The following CASTOR1 variants were observed in gnomAD, a reference collection of about 807,000 sequenced individuals.
CASTOR1 encodes the protein cytosolic arginine sensor for mTORC1 subunit 1.
CASTOR1 carries 18 observed loss-of-function variants against 33.7 expected under a neutral mutation model. The observed-to-expected ratio is 0.53, with a 90% CI of 0.37 to 0.79. CASTOR1 has a LOEUF of 0.79. CASTOR1 is among the 30% of genes least tolerant of loss of function. The probability of loss-of-function intolerance (pLI) is 0.00; values close to 1 mark genes in which losing one functional copy is unlikely to be tolerated. For synonymous variants in CASTOR1, 175 were observed against 190.6 expected (o/e 0.92, Z 0.67); for missense variants, 362 against 446.3 (o/e 0.81, Z 1.70).
chr22:30,286,086 G>T lies in CASTOR1; in HGVS notation c.756C>A (p.Asp252Glu), dbSNP rs1473131737. 1 of 1,575,896 alleles carries T rather than the reference G, an allele frequency of 6.3e-7. No homozygotes were observed. The highest frequency in any genetic ancestry group is 1.8e-5 in the Admixed American group (1 of 57,092). ...CCCCCGAGGAGCTGGTCAGCAGGAG[G>T]TCACTGGGGAACCTGGGGAGGGAGA... ...DAETQKKFPS[D>E]LLLTSSSGEL... The change falls in exon 7 of 9, where the codon GAC becomes GAA. Residue 252 changes from aspartate to glutamate, a missense_variant. Asp to Glu is a conservative substitution (Grantham distance 45, BLOSUM62 2). Coordinates refer to ENST00000407689, the MANE Select transcript of CASTOR1 (RefSeq NM_001037666.3).
intron 7 of CASTOR1, 39 bp downstream of exon 7, chr22:30,285,977 G>A (rs772758847): frequency 1.3e-6 from 2 of 1,581,080 alleles, no homozygotes; most frequent in Non-Finnish European, 1.7e-6. Context: ...TTGCTCCCCA[G>A]ACACTCCCCA....
At chr22:30,286,627 G>T in intron 5 of CASTOR1, 198 bp downstream of exon 5, 1 of 743,256 alleles carries the variant, frequency 1.3e-6, no homozygotes, top group Non-Finnish European at 2.3e-6. Context: ...TGGCTCAGAC[G>T]ACCCCACTGG....
At chr22:30,286,636 G>T (rs1297008844) in intron 5 of CASTOR1, 189 bp downstream of exon 5, 77 of 785,418 alleles carry the variant, frequency 9.8e-5, no homozygotes, top group Non-Finnish European at 6.9e-5. Context: ...CGACCCCACT[G>T]GAAAGGGATC....
At position 30,285,670 on chromosome 22, in the gene CASTOR1, C is replaced by G; in HGVS notation, c.940G>C (p.Gly314Arg). 6.4e-7 allele frequency: 1 copy of G among 1,570,442 alleles called. No individual in the cohort carries two copies. Among genetic ancestry groups the G allele is most frequent in the Non-Finnish European group, 8.6e-7 (1 of 1,158,340 alleles). ...CGCTGGAGGACCTCGATGACGCTGC[C>G]GATACCGTCCTCGGGCACCTGAGGG... ...DHALVPEDGI[G>R]SVIEVLQRRQ... is the part of the protein sequence containing the mutation. Residue 314 changes from glycine (G) to arginine (R), a missense_variant, in exon 9 of 9, where the codon GGC (glycine) becomes CGC (arginine). Physicochemically the swap from Gly to Arg is moderately radical, Grantham distance 125 (BLOSUM62 -2). Transcript: ENST00000407689.
intron 1 of CASTOR1, chr22:30,289,124 T>C: frequency 5.3e-6 from 3 of 567,104 alleles, no homozygotes; most frequent in Non-Finnish European, 9.4e-6. Context: ...AGTGACCAGG[T>C]AGGAATGCCC....
chr22:30,286,282 C>T lies in CASTOR1; in HGVS notation c.724G>A (p.Asp242Asn). The T allele has an allele frequency of 6.2e-7, 1 of 1,613,570 alleles. No individual in the cohort carries two copies. Among genetic ancestry groups the T allele is most frequent in the Non-Finnish European group, 8.5e-7 (1 of 1,179,526 alleles). ...ACCTACTTTTTCTGTGTTTCAGCAT[C>T]CATGACAATGGAGATATAACCCTCG... ...LIEGYISIVM[D>N]AETQKKFPSD... The change falls in exon 6 of 9, where the codon GAT becomes AAT. Residue 242 changes from aspartate to asparagine, a missense_variant. Physicochemically the swap from Asp to Asn is conservative, Grantham distance 23. Transcript: ENST00000407689.
chr22:30,285,989 C>G (rs776262884), intron 7 of CASTOR1, 27 bp downstream of exon 7: 14 of 1,581,638 alleles, frequency 8.9e-6, no homozygotes, highest in Middle Eastern at 1.7e-4. Context: ...CACTCCCCAG[C>G]CCCCCAACAC....
At chr22:30,288,853 C>T in intron 1 of CASTOR1, 77 bp from the exon 2 acceptor site, 1 of 1,248,350 alleles carries the variant, frequency 8.0e-7, no homozygotes, top group Non-Finnish European at 1.1e-6. Context: ...CCATCTGCCC[C>T]GAGACACCCC....
rs777705383 is a variant in CASTOR1 at position 30,286,894 on chromosome 22, A to G, written c.560T>C (p.Leu187Pro). ...TGGAAGCGTCTCAGGGTCCAGTGTG[A>G]GGACACAGAAGCGGTTCTGTGGGCT... ...IQSPQNRFCV[L>P]TLDPETLPAI... is the part of the protein sequence containing the mutation. The change falls in exon 5 of 9, where the codon CTC becomes CCC. Residue 187 changes from leucine (L) to proline (P), a missense_variant. Physicochemically the swap from Leu to Pro is moderately conservative, Grantham distance 98. Transcript: ENST00000407689. The G allele has an allele frequency of 7.4e-6, 12 of 1,614,016 alleles. No homozygotes were observed. In the Admixed American group the frequency reaches 2.0e-4, roughly 27 times the overall value.
In CASTOR1 at chr22:30,286,917, G is replaced by A; in HGVS notation, c.537C>T (p.Ser179=). The A allele has an allele frequency of 6.2e-7, 1 of 1,614,022 alleles. No homozygotes were observed. The highest frequency in any genetic ancestry group is 8.5e-7 in the Non-Finnish European group (1 of 1,179,906). ...TGAGGACACAGAAGCGGTTCTGTGGGCTCTGGATGGGATGCACCGTGGGGC... is the reference window on the plus strand; with the variant it reads ...TGAGGACACAGAAGCGGTTCTGTGGACTCTGGATGGGATGCACCGTGGGGC... ...GPSPTVHPIQ[S]PQNRFCVLTL... The change falls in exon 5 of 9, where the codon AGC becomes AGT. Residue 179 remains serine (S), a synonymous_variant. Transcript: ENST00000407689.
rs1275355319 is a variant in CASTOR1, at chr22:30,285,247, C to T, written c.*373G>A. On this transcript the variant is annotated 3_prime_UTR_variant, in exon 9 of 9. Transcript: ENST00000407689. Reference sequence around the variant, plus strand: ...ACCTGGCCAGGGAAGGCAACCCCACCAGAGGCAGAACGGAGGTCAGCGGGG... The same window carrying T: ...ACCTGGCCAGGGAAGGCAACCCCACTAGAGGCAGAACGGAGGTCAGCGGGG... 2.6e-5 allele frequency: 5 copies of T among 193,440 alleles called. No homozygotes were observed. The highest frequency in any genetic ancestry group is 5.2e-5 in the Non-Finnish European group (5 of 95,278). The allele number at this position is 193,440 out of a possible 1,614,324, so 12.0% of individuals were successfully genotyped here.
intron 1 of CASTOR1, 147 bp downstream of exon 1, chr22:30,289,238 G>C (rs548424852): frequency 6.1e-6 from 4 of 654,658 alleles, no homozygotes; most frequent in South Asian, 5.4e-5. Context: ...CCCCCAGGCC[G>C]GATGGCGGCC....
At position 30,285,479 on chromosome 22, in the gene CASTOR1, G is replaced by A. The variant is rs752548054; in HGVS notation, c.*141C>T. The A allele has an allele frequency of 9.1e-6, 6 of 661,500 alleles. No homozygotes were observed. Among genetic ancestry groups the A allele is most frequent in the East Asian group, 3.1e-5 (1 of 32,318 alleles). 41.0% of individuals were successfully genotyped at this position (661,500 alleles called of 1,614,324 possible). ...TCCGCGTAAAAGCCGGTGCCTGCAC[G>A]CAGCTTACATACAGAGAGCGGAACG... On this transcript the variant is annotated 3_prime_UTR_variant, in exon 9 of 9. Coordinates refer to ENST00000407689, the MANE Select transcript of CASTOR1 (RefSeq NM_001037666.3).
chr22:30,287,741 T>C lies in CASTOR1; in HGVS notation c.185-181A>G, dbSNP rs1388283251. On this transcript the variant is annotated intron_variant, in intron 2 of 8. Coordinates refer to ENST00000407689, the MANE Select transcript of CASTOR1 (RefSeq NM_001037666.3). ...AGAAAGGCTTCAAGTGCTGGCCTGG[T>C]GGCATTGAAACTTCCCACTTAAGAT... 22 of 720,754 alleles carry C rather than the reference T, an allele frequency of 3.1e-5. No individual in the cohort carries two copies. The East Asian group carries it at 5.6e-4, about 18-fold the overall frequency. 44.6% of individuals were successfully genotyped at this position (720,754 alleles called of 1,614,324 possible).
intron 1 of CASTOR1, 129 bp downstream of exon 1, chr22:30,289,256 G>A: frequency 1.4e-6 from 1 of 724,242 alleles, no homozygotes; most frequent in Non-Finnish European, 2.3e-6. Flanking sequence ...GCCGGACGGG[G>A]AGAGTCCTCC....
chr22:30,287,252 C>A lies in CASTOR1; in HGVS notation c.408G>T (p.Thr136=). 2 of 1,582,272 alleles carry A rather than the reference C, an allele frequency of 1.3e-6. No homozygotes were observed. Among genetic ancestry groups the A allele is most frequent in the South Asian group, 1.2e-5 (1 of 85,880 alleles). ...REQDLSVVIH[T]LAQEFDIYRE... The stretch of plus-strand genomic sequence containing the variant: ...GGTAAATGTCGAACTCCTGGGCCAG[C>A]GTGTGGATCACCACGGACAGGTCCT... The change falls in exon 4 of 9, where the codon ACG becomes ACT. Residue 136 remains threonine, a synonymous_variant. Coordinates refer to ENST00000407689, the MANE Select transcript of CASTOR1 (RefSeq NM_001037666.3).
chr22:30,289,002 G>T lies in CASTOR1; in HGVS notation c.114-226C>A, dbSNP rs554541473. Reference sequence around the variant, plus strand: ...AGGAACCCTCCACCCCTCCACTCCTGGAGGGAGGAGAGGTTCACACCCGCG... The same window carrying T: ...AGGAACCCTCCACCCCTCCACTCCTTGAGGGAGGAGAGGTTCACACCCGCG... On this transcript the variant is annotated intron_variant, in intron 1 of 8. Coordinates refer to ENST00000407689, the MANE Select transcript of CASTOR1 (RefSeq NM_001037666.3). 7 of 557,792 alleles carry T rather than the reference G, an allele frequency of 1.3e-5. No individual in the cohort carries two copies. The South Asian group carries it at 1.3e-4, about 11-fold the overall frequency. 34.6% of individuals were successfully genotyped at this position (557,792 alleles called of 1,614,324 possible).
At chr22:30,287,641 C>A in intron 2 of CASTOR1, 81 bp from the exon 3 acceptor site, 2 of 1,338,522 alleles carry the variant, frequency 1.5e-6, no homozygotes, top group East Asian at 2.5e-5. Flanking sequence ...CCTTTCTGTG[C>A]CTTGGAGGGC....
At position 30,285,530 on chromosome 22, in the gene CASTOR1, C is replaced by T. The variant is rs922549370; in HGVS notation, c.*90G>A. 11 of 1,068,544 alleles carry T rather than the reference C, an allele frequency of 1.0e-5. No homozygotes were observed. Among genetic ancestry groups the T allele is most frequent in the African/African-American group, 6.5e-5 (4 of 61,992 alleles). 66.2% of individuals were successfully genotyped at this position (1,068,544 alleles called of 1,614,324 possible). ...AGGGTCCCCAGCAGAACAGGGGGCTCGTTCCAGAGCTTAAGGAAATAGCTT... is the reference window on the plus strand; with the variant it reads ...AGGGTCCCCAGCAGAACAGGGGGCTTGTTCCAGAGCTTAAGGAAATAGCTT... On this transcript the variant is annotated 3_prime_UTR_variant, in exon 9 of 9. Transcript: ENST00000407689.
Sources: allele counts gnomAD v4.1 joint callset, GRCh38; gene constraint gnomAD v4.1.1; transcripts MANE v1.5; gene names NCBI Gene and HGNC (gene_info 2026-07-23, HGNC 2026-07-21).